The following PLPPR1 variants were observed in gnomAD, a reference collection of about 807,000 sequenced individuals.
PLPPR1 encodes phospholipid phosphatase-related protein type 1.
PLPPR1 carries 10 observed loss-of-function variants against 33.1 expected under a neutral mutation model. The ratio of observed to expected loss-of-function variants is 0.30; its 90% confidence interval spans 0.19 to 0.51. The LOEUF is 0.51. Ranked by LOEUF, PLPPR1 falls within the 20% of genes least tolerant of loss-of-function variation. PLPPR1 has a pLI of 0.97. For missense variants in PLPPR1, 304 were observed against 408.1 expected, an observed-to-expected ratio of 0.74 and a Z score of 2.20; for synonymous variants, 151 against 151.0, an observed-to-expected ratio of 1.00 and a Z score of 0.00.
At chr9:101,312,245 G>A (rs1384917031) in intron 5 of PLPPR1, among the ~76,000 whole-genome samples, 1 of 152,198 alleles carries the variant, frequency 6.6e-6, no homozygotes, top group Non-Finnish European at 1.5e-5. Flanking sequence ...CAGTTGTTGG[G>A]AGGTTCTAAT....
chr9:101,194,814 A>G (rs566146812), intron 2 of PLPPR1, among the ~76,000 whole-genome samples: 2 of 152,218 alleles, frequency 1.3e-5, no homozygotes, highest in South Asian at 2.1e-4. Context: ...TAAATAAGGT[A>G]TTGACCACAG....
chr9:101,209,936 G>A (rs1021517027), intron 2 of PLPPR1, among the ~76,000 whole-genome samples: 8 of 152,136 alleles, frequency 5.3e-5, no homozygotes, highest in Admixed American at 5.2e-4. Flanking sequence ...TGTTAACCCA[G>A]GTATAAGCCC....
chr9:101,309,365 C>T lies in PLPPR1; in HGVS notation c.540C>T (p.Asn180=), dbSNP rs755282732. Residue 180 remains asparagine, a synonymous_variant, in exon 5 of 8, where the codon AAC becomes AAT. Transcript: ENST00000374874. ...QAHHQFINNG[N]ICTGDLEVIE... is the part of the protein sequence containing the mutation. ...ACCACCAGTTTATAAACAATGGGAA[C>T]ATTTGTACTGGGGACCTGGAAGTGA... 72 of 1,613,952 alleles carry T rather than the reference C, an allele frequency of 4.5e-5. No individual in the cohort carries two copies. Among genetic ancestry groups the T allele is most frequent in the Non-Finnish European group, 2.7e-5 (32 of 1,180,024 alleles).
At chr9:101,276,920 A>G (rs10124153) in intron 3 of PLPPR1, among the ~76,000 whole-genome samples, 11,658 of 152,250 alleles carry the variant, frequency 0.077, 534 homozygotes, top group South Asian at 0.16. Context: ...AAGTGTCTAG[A>G]GCTGAATTGC....
intron 1 of PLPPR1, among the ~76,000 whole-genome samples, chr9:101,076,338 C>G (rs1239996499): frequency 6.6e-6 from 1 of 152,068 alleles, no homozygotes; most frequent in Non-Finnish European, 1.5e-5. Flanking sequence ...TGTGACTCTG[C>G]CTTTGAGAAG....
intron 1 of PLPPR1, among the ~76,000 whole-genome samples, chr9:101,083,279 C>T (rs1830642014): frequency 2.6e-5 from 4 of 151,738 alleles, no homozygotes; most frequent in Admixed American, 2.6e-4. Context: ...CTGCCTCAGC[C>T]TCCTGAATAG....
At position 101,317,433 on chromosome 9, in the gene PLPPR1, C is replaced by T; in HGVS notation, c.882C>T (p.Pro294=). 1 of 1,614,002 alleles carries T rather than the reference C, an allele frequency of 6.2e-7. No homozygotes were observed. The highest frequency in any genetic ancestry group is 8.5e-7 in the Non-Finnish European group (1 of 1,179,898). Residue 294 remains proline, a synonymous_variant, in exon 7 of 8, where the codon CCC becomes CCT. Transcript: ENST00000374874. ...GSPSKPKPED[P]RGVPLMAFPR... ...CTTCCAAACCCAAGCCTGAGGATCC[C>T]CGTGGAGTACCCCTAATGGCTTTCC...
intron 2 of PLPPR1, among the ~76,000 whole-genome samples, chr9:101,226,268 T>TC (rs1274239783): frequency 6.6e-6 from 1 of 151,788 alleles, no homozygotes; most frequent in Non-Finnish European, 1.5e-5. Flanking sequence ...TTGATTCCCC[T>TC]CCCCCCTCCT....
chr9:101,061,227 A>G (rs2118466449), intron 1 of PLPPR1, among the ~76,000 whole-genome samples: 1 of 152,126 alleles, frequency 6.6e-6, no homozygotes, highest in Non-Finnish European at 1.5e-5. Flanking sequence ...TCTTGAAATT[A>G]TAAGATATGA....
At chr9:101,098,806 G>C (rs1830855407) in intron 1 of PLPPR1, among the ~76,000 whole-genome samples, 1 of 152,154 alleles carries the variant, frequency 6.6e-6, no homozygotes. Context: ...GTACTTTTGT[G>C]GTCTTGGTTC....
intron 4 of PLPPR1, among the ~76,000 whole-genome samples, chr9:101,293,836 C>T (rs2118928547): frequency 6.6e-6 from 1 of 151,540 alleles, no homozygotes; most frequent in East Asian, 2.0e-4. Flanking sequence ...CACTAAATGC[C>T]CACAAGAGAA....
At chr9:101,137,792 A>G (rs1252487357) in intron 1 of PLPPR1, among the ~76,000 whole-genome samples, 2 of 152,212 alleles carry the variant, frequency 1.3e-5, no homozygotes, top group African/African-American at 4.8e-5. Context: ...TCCATAATGT[A>G]TTAGGGTTTA....
At chr9:101,082,783 A>C (rs1830636838) in intron 1 of PLPPR1, among the ~76,000 whole-genome samples, 1 of 152,202 alleles carries the variant, frequency 6.6e-6, no homozygotes, top group Non-Finnish European at 1.5e-5. Flanking sequence ...AATGTGTGTG[A>C]CTTGGATCAA....
intron 1 of PLPPR1, among the ~76,000 whole-genome samples, chr9:101,050,420 A>AC (rs1406989451): frequency 1.3e-5 from 2 of 152,144 alleles, no homozygotes; most frequent in African/African-American, 4.8e-5. Context: ...AGTGATGAAA[A>AC]CTATATGTAT....
intron 2 of PLPPR1, among the ~76,000 whole-genome samples, chr9:101,232,722 C>T (rs1366151311): frequency 1.3e-5 from 2 of 151,872 alleles, no homozygotes; most frequent in Non-Finnish European, 2.9e-5. Flanking sequence ...TAGAATTATA[C>T]CAGCATTTCA....
intron 1 of PLPPR1, among the ~76,000 whole-genome samples, chr9:101,184,051 G>A (rs1826163967): frequency 1.3e-5 from 2 of 151,614 alleles, no homozygotes; most frequent in Admixed American, 1.3e-4. Flanking sequence ...AATTAAAATG[G>A]TTGTCCATTT....
rs142255203 is a variant in PLPPR1, at chr9:101,234,281, G to T, written c.64-35599G>T. On this transcript the variant is annotated intron_variant, in intron 2 of 7. Transcript: ENST00000374874. ...GGCAGTTGTTTGTAGAAAGTATAAGGAGAAGAGGGTGAGTTTACCTTGAAA... is the reference window on the plus strand; with the variant it reads ...GGCAGTTGTTTGTAGAAAGTATAAGTAGAAGAGGGTGAGTTTACCTTGAAA... Among the ~76,000 whole-genome samples, 3 of 151,864 alleles carry T rather than the reference G, an allele frequency of 2.0e-5. No individual in the cohort carries two copies. The South Asian group carries it at 6.2e-4, about 32-fold the overall frequency.
chr9:101,283,315 A>T (rs1828335358), intron 3 of PLPPR1, among the ~76,000 whole-genome samples: 2 of 152,200 alleles, frequency 1.3e-5, no homozygotes, highest in Admixed American at 1.3e-4. Flanking sequence ...TTGGCATATA[A>T]AGAAAGACCA....
intron 1 of PLPPR1, among the ~76,000 whole-genome samples, chr9:101,162,417 T>C (rs1825777102): frequency 6.6e-6 from 1 of 152,200 alleles, no homozygotes; most frequent in Non-Finnish European, 1.5e-5. Context: ...TTAGAAACAG[T>C]TTTGGCTCAT....
Sources: allele counts gnomAD v4.1 joint callset (sites outside exome capture counted in the v4.1 genomes callset), GRCh38; gene constraint gnomAD v4.1.1; transcripts MANE v1.5; gene names NCBI Gene and HGNC (gene_info 2026-07-23, HGNC 2026-07-21).